Variants in DYNLT2 observed in about 807,000 individuals in gnomAD.
The protein encoded by DYNLT2 is dynein light chain Tctex-type 2, also known as dynein light chain Tctex-type protein 2.
In DYNLT2, 24 loss-of-function variants were observed where a neutral mutation model predicts 24.3. The ratio of observed to expected loss-of-function variants is 0.99; its 90% CI spans 0.71 to 1.39. The LOEUF (loss-of-function observed/expected upper bound fraction) is 1.39. DYNLT2 is among the 40% of genes most tolerant of loss of function. The probability of loss-of-function intolerance (pLI) is 0.00; values close to 1 mark genes in which losing one functional copy is unlikely to be tolerated. For synonymous variants in DYNLT2, 85 were observed against 85.4 expected, an observed-to-expected ratio of 1.00 and a Z score of 0.03; for missense variants, 246 against 234.5, an observed-to-expected ratio of 1.05 and a Z score of -0.32.
chr6:169,751,403 G>T lies in DYNLT2; in HGVS notation c.56C>A (p.Thr19Asn). 1 of 1,614,132 alleles carries T rather than the reference G, an allele frequency of 6.2e-7. No homozygotes were observed. The highest frequency in any genetic ancestry group is 8.5e-7 in the Non-Finnish European group (1 of 1,180,012). Residue 19 changes from threonine (T) to asparagine (N), a missense_variant, in exon 1 of 4, where the codon ACC (threonine) becomes AAC (asparagine). Coordinates refer to ENST00000366774, the MANE Select transcript of DYNLT2 (RefSeq NM_174910.3). ...KSSPIQTPNQTPQQAPVTPRK... is the reference protein window; with the variant it reads ...KSSPIQTPNQNPQQAPVTPRK... ...AGGCGTCACCGGAGCCTGCTGAGGGGTCTGGTTCGGGGTCTGGATGGGGCT... is the reference window on the plus strand; with the variant it reads ...AGGCGTCACCGGAGCCTGCTGAGGGTTCTGGTTCGGGGTCTGGATGGGGCT...
At chr6:169,729,759 A>T in the DYNLT2 span, among the ~76,000 whole-genome samples, 1 of 152,192 alleles carries the variant, frequency 6.6e-6, no homozygotes, top group African/African-American at 2.4e-5. Flanking sequence ...AAGAAGAGAT[A>T]CAAGATTCAT....
intron 3 of DYNLT2, 120 bp from the exon 4 acceptor site, chr6:169,740,415 G>A: frequency 1.5e-6 from 1 of 648,902 alleles, no homozygotes; most frequent in Non-Finnish European, 2.7e-6. Flanking sequence ...TTTTTAAGAT[G>A]TAATTTGTCT....
chr6:169,742,432 T>C (rs1013625588), intron 3 of DYNLT2, among the ~76,000 whole-genome samples: 15 of 152,218 alleles, frequency 9.9e-5, no homozygotes, highest in African/African-American at 2.4e-5. Flanking sequence ...TTGAGAATCA[T>C]GGTCCGTGTT....
chr6:169,740,008 AG>A, downstream of DYNLT2: 1 of 553,454 alleles, frequency 1.8e-6, no homozygotes, highest in South Asian at 2.7e-5. Flanking sequence ...TTAATATAAC[AG>A]TAAGTATAAA....
chr6:169,733,389 G>C, the DYNLT2 span, among the ~76,000 whole-genome samples: 1 of 152,080 alleles, frequency 6.6e-6, no homozygotes. Flanking sequence ...GTATTGCCTA[G>C]GTTTTCTTCT....
the DYNLT2 span, among the ~76,000 whole-genome samples, chr6:169,730,147 T>A: frequency 1.0e-3 from 157 of 152,360 alleles, no homozygotes; most frequent in African/African-American, 3.3e-3. Flanking sequence ...TGCTTGAATA[T>A]TCTGAAAGTG....
At chr6:169,743,033 T>G in intron 3 of DYNLT2, 47 bp downstream of exon 3, 1 of 1,384,820 alleles carries the variant, frequency 7.2e-7, no homozygotes, top group Non-Finnish European at 9.6e-7. Context: ...AGGGAGGAGA[T>G]GCCTTATAGT....
At chr6:169,745,258 A>G (rs992222144) in intron 1 of DYNLT2, among the ~76,000 whole-genome samples, 3 of 151,828 alleles carry the variant, frequency 2.0e-5, no homozygotes, top group Non-Finnish European at 2.9e-5. Context: ...ACTCCCAACT[A>G]ATTTTTTTGT....
At chr6:169,744,344 C>T in intron 1 of DYNLT2, 70 bp from the exon 2 acceptor site, 1 of 1,348,078 alleles carries the variant, frequency 7.4e-7, no homozygotes, top group Non-Finnish European at 1.0e-6. Flanking sequence ...AATGAGTTTT[C>T]AGATTAAATA....
the DYNLT2 span, among the ~76,000 whole-genome samples, chr6:169,729,597 G>C: frequency 6.6e-6 from 1 of 152,166 alleles, no homozygotes; most frequent in East Asian, 1.9e-4. Context: ...GCTATGGACT[G>C]AATGTTTGTG....
downstream of DYNLT2, among the ~76,000 whole-genome samples, chr6:169,735,274 CTCTG>C (rs929457504): frequency 1.3e-5 from 2 of 151,524 alleles, no homozygotes; most frequent in Admixed American, 6.6e-5. Context: ...TTTATTGTGT[CTCTG>C]TCTCCTTCAA....
At chr6:169,729,422 A>G in the DYNLT2 span, among the ~76,000 whole-genome samples, 2 of 151,966 alleles carry the variant, frequency 1.3e-5, no homozygotes, top group Non-Finnish European at 2.9e-5. Context: ...TTCTTGGCCA[A>G]TTCCCTTTTA....
chr6:169,750,708 A>G (rs1789982850), intron 1 of DYNLT2: 3 of 152,230 alleles, frequency 2.0e-5, no homozygotes, highest in Admixed American at 6.5e-5. Flanking sequence ...TAAAATATAG[A>G]GTCTTTAATA....
chr6:169,736,140 TTG>T (rs1424215494), downstream of DYNLT2, among the ~76,000 whole-genome samples: 4 of 122,344 alleles, frequency 3.3e-5, no homozygotes, highest in Non-Finnish European at 4.8e-5. Flanking sequence ...GTTTTTTTGT[TTG>T]TTTTTTTTTT....
chr6:169,735,664 C>G (rs1185199755), downstream of DYNLT2, among the ~76,000 whole-genome samples: 2 of 152,170 alleles, frequency 1.3e-5, no homozygotes, highest in African/African-American at 4.8e-5. Context: ...GTTATGATTT[C>G]AGTTCTTTTG....
chr6:169,746,221 TG>T (rs1463595890), intron 1 of DYNLT2, among the ~76,000 whole-genome samples: 2 of 152,200 alleles, frequency 1.3e-5, no homozygotes, highest in African/African-American at 4.8e-5. Context: ...CTTTTGGTTT[TG>T]TTGGTACCTG....
chr6:169,735,354 G>A (rs1789540168), downstream of DYNLT2, among the ~76,000 whole-genome samples: 1 of 151,876 alleles, frequency 6.6e-6, no homozygotes, highest in Non-Finnish European at 1.5e-5. Flanking sequence ...TCTTGCCTCT[G>A]TAGCTCTTTT....
intron 1 of DYNLT2, 121 bp from the exon 2 acceptor site, chr6:169,744,395 TTTG>T: frequency 1.2e-6 from 1 of 813,964 alleles, no homozygotes; most frequent in African/African-American, 1.7e-5. Context: ...AGCTTGGAAA[TTTG>T]TTAAACAGAT....
chr6:169,725,494 C>G, the DYNLT2 span: 3 of 396,482 alleles, frequency 7.6e-6, no homozygotes, highest in South Asian at 4.3e-4. Context: ...TTCTCTCAGC[C>G]TCAGCCAGAC....
Sources: gnomAD v4.1 joint callset for allele counts (sites outside exome capture counted in the v4.1 genomes callset) on GRCh38, gnomAD v4.1.1 for gene constraint, MANE v1.5 for transcripts, NCBI Gene and HGNC (gene_info 2026-07-23, HGNC 2026-07-21) for gene names.